PIP4K2A: variants seen among roughly 807,000 people sequenced by gnomAD.
PIP4K2A encodes phosphatidylinositol 5-phosphate 4-kinase type-2 alpha.
A neutral mutation model predicts 42.9 loss-of-function variants in PIP4K2A; 14 were observed. The ratio of observed to expected loss-of-function variants is 0.33; its 90% CI spans 0.22 to 0.51. The LOEUF (loss-of-function observed/expected upper bound fraction) is 0.51, where lower values mean the gene tolerates loss of function less well. Among genes scored for constraint, PIP4K2A ranks in the 20% least tolerant of loss-of-function variants. The pLI is 0.97. For synonymous variants in PIP4K2A, 192 were observed against 192.2 expected (o/e 1.00, Z 0.01); for missense variants, 434 against 519.8 (o/e 0.83, Z 1.61).
chr10:22,617,237 G>T (rs565249453), intron 1 of PIP4K2A, among the ~76,000 whole-genome samples: 8 of 152,142 alleles, frequency 5.3e-5, no homozygotes, highest in Non-Finnish European at 1.5e-5. Flanking sequence ...ACACTGGCAG[G>T]AAAAGAGAGG....
chr10:22,669,254 T>C lies in PIP4K2A; in HGVS notation c.144+44929A>G, dbSNP rs536472001. On this transcript the variant is annotated intron_variant, in intron 1 of 9. Transcript: ENST00000376573. ...AAAAGGAAAGAAGGAAAGGTATGTA[T>C]AGTTATGAGCCGCATAACGACACTG... Among the ~76,000 whole-genome samples, 8 of 152,226 alleles carry C rather than the reference T, an allele frequency of 5.3e-5. No homozygotes were observed. In the East Asian group the frequency reaches 7.7e-4, roughly 15 times the overall value.
At chr10:22,549,666 C>A (rs1174836140) in intron 7 of PIP4K2A, among the ~76,000 whole-genome samples, 1 of 151,180 alleles carries the variant, frequency 6.6e-6, no homozygotes, top group Non-Finnish European at 1.5e-5. Flanking sequence ...ACGGTGAAAC[C>A]CCGTCTCTAA....
At chr10:22,542,089 C>T (rs544685799) in intron 7 of PIP4K2A, 42 bp from the exon 8 acceptor site, 2 of 1,539,132 alleles carry the variant, frequency 1.3e-6, no homozygotes, top group East Asian at 2.3e-5. Context: ...ACACCTTAAA[C>T]ATAAAAGCCA....
intron 1 of PIP4K2A, among the ~76,000 whole-genome samples, chr10:22,674,767 C>G (rs953098982): frequency 3.3e-5 from 5 of 150,868 alleles, no homozygotes; most frequent in African/African-American, 1.2e-4. Flanking sequence ...TATTGCAAGA[C>G]TCAGTCTCTA....
chr10:22,673,322 GT>G (rs1839491409), intron 1 of PIP4K2A, among the ~76,000 whole-genome samples: 1 of 152,184 alleles, frequency 6.6e-6, no homozygotes, highest in Non-Finnish European at 1.5e-5. Context: ...AAGGAACTGG[GT>G]TTTATTCATT....
At chr10:22,658,996 G>A (rs1172734754) in intron 1 of PIP4K2A, among the ~76,000 whole-genome samples, 2 of 152,136 alleles carry the variant, frequency 1.3e-5, no homozygotes, top group Admixed American at 6.5e-5. Context: ...TCAAGGCTGC[G>A]GAATGTACCC....
chr10:22,675,501 G>A (rs555311886), intron 1 of PIP4K2A, among the ~76,000 whole-genome samples: 15 of 152,242 alleles, frequency 9.9e-5, no homozygotes, highest in Admixed American at 2.0e-4. Flanking sequence ...CAGGAGAATC[G>A]CTTGAACCCG....
At chr10:22,606,675 A>C (rs562024615) in intron 3 of PIP4K2A, among the ~76,000 whole-genome samples, 17 of 152,242 alleles carry the variant, frequency 1.1e-4, no homozygotes, top group Non-Finnish European at 2.5e-4. Context: ...TTCAGAGGAA[A>C]ATACAGGGTA....
At chr10:22,674,195 C>T (rs912430695) in intron 1 of PIP4K2A, among the ~76,000 whole-genome samples, 1 of 152,136 alleles carries the variant, frequency 6.6e-6, no homozygotes, top group Non-Finnish European at 1.5e-5. Context: ...TTCCAGCAAC[C>T]AGCAGACACT....
In PIP4K2A at chr10:22,573,461, C is replaced by T; in HGVS notation, c.493-4G>A. On this transcript the variant is annotated splice_region_variant and splice_polypyrimidine_tract_variant and intron_variant, in intron 4 of 9. Coordinates refer to ENST00000376573, the MANE Select transcript of PIP4K2A (RefSeq NM_005028.5). ...TCCCATGACATTCCACTATGTACTG[C>T]ATAGGAGAGAAAGAAAAAGGAAAAA... is the stretch of plus-strand genomic sequence containing the variant. 1 of 1,589,656 alleles carries T rather than the reference C, an allele frequency of 6.3e-7. No homozygotes were observed. The highest frequency in any genetic ancestry group is 8.5e-7 in the Non-Finnish European group (1 of 1,173,316).
chr10:22,576,831 C>T (rs1158662215), intron 4 of PIP4K2A, among the ~76,000 whole-genome samples: 12 of 151,990 alleles, frequency 7.9e-5, no homozygotes. Context: ...ATCCCAGCAC[C>T]CTGGGAGGCC....
chr10:22,706,131 A>G (rs1483360200), intron 1 of PIP4K2A, among the ~76,000 whole-genome samples: 1 of 152,062 alleles, frequency 6.6e-6, no homozygotes, highest in Non-Finnish European at 1.5e-5. Flanking sequence ...TCCACCCACA[A>G]CACCTGGGGA....
chr10:22,710,435 C>T (rs376506640), intron 1 of PIP4K2A, among the ~76,000 whole-genome samples: 1 of 152,218 alleles, frequency 6.6e-6, no homozygotes, highest in Non-Finnish European at 1.5e-5. Flanking sequence ...AGACCAATCC[C>T]AAGTGGAATC....
chr10:22,581,132 G>A (rs367726470), intron 4 of PIP4K2A, among the ~76,000 whole-genome samples: 2 of 79,684 alleles, frequency 2.5e-5, no homozygotes, highest in East Asian at 3.9e-4. Flanking sequence ...TCCTTTCAGC[G>A]GCTCCTTGAG....
At chr10:22,547,973 A>C (rs974266501) in intron 7 of PIP4K2A, among the ~76,000 whole-genome samples, 1 of 152,234 alleles carries the variant, frequency 6.6e-6, no homozygotes, top group Non-Finnish European at 1.5e-5. Flanking sequence ...TTGAGCTGTA[A>C]TACACTCAGA....
chr10:22,644,693 A>G (rs1363017592), intron 1 of PIP4K2A, among the ~76,000 whole-genome samples: 4 of 152,160 alleles, frequency 2.6e-5, no homozygotes, highest in African/African-American at 4.8e-5. Context: ...GTTCATTTTT[A>G]ACATTTTCTC....
intron 1 of PIP4K2A, among the ~76,000 whole-genome samples, chr10:22,625,093 G>A (rs144696631): frequency 1.1e-4 from 16 of 152,262 alleles, no homozygotes; most frequent in East Asian, 9.6e-4. Flanking sequence ...TTGAGAAAAG[G>A]AGCATAATAA....
At chr10:22,684,086 G>A (rs1227278074) in intron 1 of PIP4K2A, among the ~76,000 whole-genome samples, 1 of 151,826 alleles carries the variant, frequency 6.6e-6, no homozygotes, top group African/African-American at 2.4e-5. Flanking sequence ...CCCCTTAAAT[G>A]CATTACCTCA....
chr10:22,636,042 G>A (rs1425370968), intron 1 of PIP4K2A, among the ~76,000 whole-genome samples: 1 of 152,166 alleles, frequency 6.6e-6, no homozygotes. Flanking sequence ...AAAGCTTTAG[G>A]AAAAGCGTAG....
Sources: gnomAD v4.1 joint callset for allele counts (sites outside exome capture counted in the v4.1 genomes callset) on GRCh38, gnomAD v4.1.1 for gene constraint, MANE v1.5 for transcripts, NCBI Gene and HGNC (gene_info 2026-07-23, HGNC 2026-07-21) for gene names.